Variants in GANC observed in about 807,000 individuals in gnomAD.
The protein encoded by GANC is glucosidase alpha, neutral C.
Under a neutral mutation model 124.2 loss-of-function variants are expected in GANC, and 117 were observed. The ratio of observed to expected loss-of-function variants is 0.94; its 90% CI spans 0.81 to 1.10. GANC has a LOEUF of 1.10. Among genes scored for constraint, GANC ranks in the 50% least tolerant of loss-of-function variants. The pLI, the probability that GANC is intolerant of heterozygous loss-of-function variation, is 0.00. For missense variants in GANC, 1,140 were observed against 1,095.0 expected (o/e 1.04, Z -0.58); for synonymous variants, 377 against 376.8 (o/e 1.00, Z -0.01).
At chr15:42,277,348 T>G (rs1380567135) in intron 2 of GANC, among the ~76,000 whole-genome samples, 1 of 151,908 alleles carries the variant, frequency 6.6e-6, no homozygotes, top group Non-Finnish European at 1.5e-5. Context: ...CTGACCAACA[T>G]GCAGAAACCC....
At chr15:42,294,070 C>T (rs1020215553) in intron 5 of GANC, among the ~76,000 whole-genome samples, 3 of 151,094 alleles carry the variant, frequency 2.0e-5, no homozygotes, top group Non-Finnish European at 2.9e-5. Context: ...AAACAAAAAA[C>T]GCTTTTTTTT....
At chr15:42,349,874 C>G (rs1277711568) in intron 22 of GANC, among the ~76,000 whole-genome samples, 1 of 152,014 alleles carries the variant, frequency 6.6e-6, no homozygotes, top group African/African-American at 2.4e-5. Context: ...GTCTCAAACT[C>G]CTGACCTCAG....
At chr15:42,340,849 C>A in intron 18 of GANC, 95 bp downstream of exon 18, 1 of 923,334 alleles carries the variant, frequency 1.1e-6, no homozygotes. Context: ...TCACTGCAAC[C>A]TCCGCCTCCC....
chr15:42,280,966 A>G (rs773209462), intron 3 of GANC: 13 of 702,478 alleles, frequency 1.9e-5, no homozygotes, highest in South Asian at 1.2e-4. Context: ...TTCAAAGGCA[A>G]AGAAACCACA....
chr15:42,273,441 T>G lies in GANC; in HGVS notation c.-1041T>G. On this transcript the variant is annotated 5_prime_UTR_variant, in exon 1 of 24. Coordinates refer to ENST00000318010, the MANE Select transcript of GANC (RefSeq NM_198141.3). ...GCCTACCGAAAGCATTTCACCCTCT[T>G]CCGGTTCGTCCCGCCTTCTTCCGGC... The G allele has an allele frequency of 6.2e-7, 1 of 1,609,788 alleles. No homozygotes were observed. The highest frequency in any genetic ancestry group is 8.5e-7 in the Non-Finnish European group (1 of 1,178,236).
rs745642975 is a variant in GANC, at chr15:42,310,346, G to C, written c.786G>C (p.Met262Ile). 6.2e-7 allele frequency: 1 copy of C among 1,613,244 alleles called. No individual in the cohort carries two copies. Among genetic ancestry groups the C allele is most frequent in the African/African-American group, 1.3e-5 (1 of 75,002 alleles). ...ATGGATACCAAATATATGATAAAAT[G>C]GGCATTTATGGTTCAGTACCTTATC... Reference protein sequence around the residue: ...DVYGYQIYDKMGIYGSVPYLL... With the variant: ...DVYGYQIYDKIGIYGSVPYLL... The change falls in exon 9 of 24, where the codon ATG (methionine) becomes ATC (isoleucine). Residue 262 changes from methionine to isoleucine, a missense_variant. Coordinates refer to ENST00000318010, the MANE Select transcript of GANC (RefSeq NM_198141.3).
chr15:42,326,792 G>T (rs1020567920), intron 12 of GANC, among the ~76,000 whole-genome samples: 3 of 152,148 alleles, frequency 2.0e-5, no homozygotes, highest in Admixed American at 6.5e-5. Context: ...CACCCTTTTA[G>T]CCCATAGTTT....
chr15:42,273,847 G>A lies in GANC; in HGVS notation c.-635G>A. On this transcript the variant is annotated 5_prime_UTR_variant, in exon 1 of 24. Transcript: ENST00000318010. ...GTCTAGTAGTGAGTTCTCCGGTTTG[G>A]GTGGTATTTAAGCAAAGGCTGGAAT... is the stretch of plus-strand genomic sequence containing the variant. 5.0e-6 allele frequency: 1 copy of A among 201,182 alleles called. No individual in the cohort carries two copies. The highest frequency in any genetic ancestry group is 1.3e-4 in the East Asian group (1 of 7,892). 12.5% of individuals were successfully genotyped at this position (201,182 alleles called of 1,614,324 possible).
At chr15:42,309,350 C>T (rs1022131892) in intron 8 of GANC, among the ~76,000 whole-genome samples, 5 of 151,126 alleles carry the variant, frequency 3.3e-5, no homozygotes, top group East Asian at 1.9e-4. Context: ...GACAGAGTCT[C>T]GCACTGTCGC....
chr15:42,310,914 TA>T, intron 10 of GANC, 68 bp downstream of exon 10: 10 of 1,521,498 alleles, frequency 6.6e-6, no homozygotes, highest in Non-Finnish European at 8.1e-6. Flanking sequence ...GTCATCACGG[TA>T]AGTTAATATT....
At chr15:42,331,342 A>G (rs2052243897) in intron 15 of GANC, among the ~76,000 whole-genome samples, 1 of 152,224 alleles carries the variant, frequency 6.6e-6, no homozygotes, top group Admixed American at 6.5e-5. Flanking sequence ...CACCTCTAAC[A>G]CATTCCATTA....
chr15:42,352,673 C>G lies in GANC; in HGVS notation c.*534C>G. On this transcript the variant is annotated 3_prime_UTR_variant, in exon 24 of 24. Transcript: ENST00000318010. ...ACGCTGCAGCCGTGGGAGTTATTCT[C>G]CCCTAGAGATCGACTTGGCAGCACG... The G allele has an allele frequency of 2.0e-6, 2 of 986,088 alleles. No homozygotes were observed. Among genetic ancestry groups the G allele is most frequent in the Non-Finnish European group, 2.4e-6 (2 of 830,068 alleles). 61.1% of individuals were successfully genotyped at this position (986,088 alleles called of 1,614,324 possible). A position where few individuals can be genotyped will look rare whatever the true frequency, so the allele number is the denominator to read the frequency against.
chr15:42,306,462 A>G (rs2051996478), intron 6 of GANC, 84 bp from the exon 7 acceptor site: 8 of 1,088,916 alleles, frequency 7.3e-6, no homozygotes, highest in Non-Finnish European at 1.1e-5. Context: ...TTTTAAAAAA[A>G]TAATCCAAAT....
intron 22 of GANC, among the ~76,000 whole-genome samples, chr15:42,350,022 CTTTTTTTTTTT>C (rs753077889): frequency 5.2e-4 from 39 of 75,044 alleles, no homozygotes; most frequent in African/African-American, 1.8e-3. Flanking sequence ...CTTTCCCCCA[CTTTTTTTTTTT>C]TTTTTTTTTT....
At chr15:42,309,417 T>G (rs963237728) in intron 8 of GANC, among the ~76,000 whole-genome samples, 1 of 151,832 alleles carries the variant, frequency 6.6e-6, no homozygotes, top group Non-Finnish European at 1.5e-5. Context: ...CCTCCCAGGT[T>G]CAAGCGATTC....
chr15:42,281,195 C>T, intron 3 of GANC: 1 of 675,234 alleles, frequency 1.5e-6, no homozygotes, highest in South Asian at 1.6e-5. Flanking sequence ...CAAATGTATG[C>T]AAATACATAT....
In GANC at chr15:42,323,520, G is replaced by GC. The variant is rs1031343010; in HGVS notation, c.1293+1500_1293+1501insC. 3.3e-4 allele frequency among the ~76,000 whole-genome samples: 4 copies of GC among 12,002 alleles called. No individual in the cohort carries two copies. In the Non-Finnish European group the frequency reaches 6.4e-3, roughly 19 times the overall value. 7.9% of individuals were successfully genotyped at this position (12,002 alleles called of 152,430 possible). A position where few individuals can be genotyped will look rare whatever the true frequency, so the allele number is the denominator to read the frequency against. On this transcript the variant is annotated intron_variant, in intron 11 of 23. Transcript: ENST00000318010. ...TTTATTTTTTATTTAATTTTTTTTT[G>GC]GGGACAGAGTCTCACTCTGTCACCC...
chr15:42,326,166 T>A (rs1013568808), intron 11 of GANC, 132 bp from the exon 12 acceptor site: 1 of 665,728 alleles, frequency 1.5e-6, no homozygotes, highest in Non-Finnish European at 2.7e-6. Context: ...TTTTGTTTTT[T>A]TGTCTGAAAT....
chr15:42,287,706 GA>G lies in GANC; in HGVS notation c.220del (p.Ile74PhefsTer4). On this transcript the variant is annotated frameshift_variant, in exon 4 of 24. Coordinates refer to ENST00000318010, the MANE Select transcript of GANC (RefSeq NM_198141.3). LOFTEE classifies it high-confidence loss of function. ...CTGTTTCCAGGTTCCTCTCCTGGCT[GA>G]AATTTATGGTATAGAAGGAAACATT... Reference protein sequence around the residue: ...NEASKVPLLAEIYGIEGNIFR... With the variant: ...NEASKVPLLAXIYGIEGNIFR... The G allele has an allele frequency of 6.2e-7, 1 of 1,611,554 alleles. No individual in the cohort carries two copies. The highest frequency in any genetic ancestry group is 8.5e-7 in the Non-Finnish European group (1 of 1,179,052).
Sources: allele counts gnomAD v4.1 joint callset (sites outside exome capture counted in the v4.1 genomes callset), GRCh38; gene constraint gnomAD v4.1.1; transcripts MANE v1.5; gene names NCBI Gene and HGNC (gene_info 2026-07-23, HGNC 2026-07-21).